The following GPC6 variants were observed in gnomAD, a reference collection of about 807,000 sequenced individuals.
GPC6 encodes the protein glypican 6.
GPC6 carries 14 observed loss-of-function variants against 55.2 expected under a neutral mutation model. The ratio of observed to expected loss-of-function variants is 0.25; its 90% CI spans 0.17 to 0.40. GPC6 has a LOEUF of 0.40. GPC6 is among the 10% of genes least tolerant of loss of function. The pLI is 1.00. For synonymous variants in GPC6, 278 were observed against 259.6 expected (o/e 1.07, Z -0.68); for missense variants, 641 against 708.5 (o/e 0.90, Z 1.08).
In GPC6 at chr13:93,227,591, G is replaced by A. The variant is rs770010444; in HGVS notation, c.135G>A (p.Ala45=). The A allele has an allele frequency of 2.5e-6, 4 of 1,608,712 alleles. No homozygotes were observed. The highest frequency in any genetic ancestry group is 3.3e-5 in the Admixed American group (2 of 59,906). The change falls in exon 1 of 9, where the codon GCG becomes GCA. Residue 45 remains alanine, a synonymous_variant. Transcript: ENST00000377047. The surrounding 1 kb of genome is among the most constrained non-coding windows in gnomAD (Gnocchi z 4.3). ...QAYGAKGFSL[A]DIPYQEIAGE... is the part of the protein sequence containing the mutation. ...ACGGTGCCAAGGGATTCAGCCTGGC[G>A]GACATCCCCTACCAGGAGATCGCAG...
chr13:94,375,124 T>A (rs972964701), intron 6 of GPC6, among the ~76,000 whole-genome samples: 2 of 149,618 alleles, frequency 1.3e-5, no homozygotes, highest in African/African-American at 5.0e-5. Flanking sequence ...GATCCAAAAT[T>A]GACACCCTAA....
intron 4 of GPC6, among the ~76,000 whole-genome samples, chr13:94,177,906 T>A (rs996356558): frequency 6.6e-6 from 1 of 152,158 alleles, no homozygotes; most frequent in African/African-American, 2.4e-5. Flanking sequence ...TTTAAAAAAA[T>A]ACTTTTTATA....
At chr13:93,736,240 A>C (rs1594412718) in intron 2 of GPC6, among the ~76,000 whole-genome samples, 1 of 152,326 alleles carries the variant, frequency 6.6e-6, no homozygotes, top group East Asian at 1.9e-4. Context: ...GATGTATGTG[A>C]GGAATTTCAA....
At position 93,757,732 on chromosome 13, in the gene GPC6, C is replaced by G. The variant is rs551413275; in HGVS notation, c.320-72422C>G. ...CTATGACCAGCAGTAGTAGGAATGA[C>G]TCCAGCAAGGATTCTGAAGGAAGAG... On this transcript the variant is annotated intron_variant, in intron 2 of 8. Transcript: ENST00000377047. Among the ~76,000 whole-genome samples the G allele has an allele frequency of 8.5e-5, 13 of 152,256 alleles. No homozygotes were observed. The South Asian group carries it at 2.7e-3, about 32-fold the overall frequency.
chr13:93,784,721 A>G (rs1288446605), intron 2 of GPC6, among the ~76,000 whole-genome samples: 1 of 152,204 alleles, frequency 6.6e-6, no homozygotes, highest in Non-Finnish European at 1.5e-5. Flanking sequence ...GTTGCTTAAA[A>G]TCCATGTTTG....
intron 3 of GPC6, among the ~76,000 whole-genome samples, chr13:94,000,846 A>G (rs932120810): frequency 5.9e-5 from 9 of 152,186 alleles, no homozygotes; most frequent in African/African-American, 1.4e-4. Flanking sequence ...GCTGTTCACA[A>G]TGCACATCAA....
At chr13:93,261,718 T>G (rs1240769256) in intron 1 of GPC6, among the ~76,000 whole-genome samples, 1 of 152,170 alleles carries the variant, frequency 6.6e-6, no homozygotes, top group Non-Finnish European at 1.5e-5. Context: ...TTTCATTTGT[T>G]TCACATGTAT....
intron 2 of GPC6, among the ~76,000 whole-genome samples, chr13:93,726,843 G>A (rs1566506022): frequency 6.6e-6 from 1 of 152,100 alleles, no homozygotes; most frequent in Non-Finnish European, 1.5e-5. Flanking sequence ...ACCTGTAAGA[G>A]GCTTTGGGCT....
At chr13:93,275,812 G>A (rs1035558652) in intron 1 of GPC6, among the ~76,000 whole-genome samples, 1 of 152,138 alleles carries the variant, frequency 6.6e-6, no homozygotes, top group Non-Finnish European at 1.5e-5. Context: ...CAGATAATGG[G>A]GGTAGGGCTT....
At chr13:93,746,681 G>C (rs775292417) in intron 2 of GPC6, among the ~76,000 whole-genome samples, 1 of 152,090 alleles carries the variant, frequency 6.6e-6, no homozygotes, top group African/African-American at 2.4e-5. Context: ...ATGCCCAAAG[G>C]TGTCTATAGC....
At chr13:94,270,447 T>C (rs907913674) in intron 4 of GPC6, among the ~76,000 whole-genome samples, 2 of 152,202 alleles carry the variant, frequency 1.3e-5, no homozygotes, top group African/African-American at 4.8e-5. Context: ...CTAACTATAT[T>C]GCTATTGAAT....
chr13:93,739,293 A>G (rs1005810360), intron 2 of GPC6, among the ~76,000 whole-genome samples: 2 of 152,152 alleles, frequency 1.3e-5, no homozygotes, highest in African/African-American at 4.8e-5. Context: ...TAAGCATGAC[A>G]TGTGGCTTCT....
chr13:94,255,801 GA>G (rs983169794), intron 4 of GPC6, among the ~76,000 whole-genome samples: 4 of 152,118 alleles, frequency 2.6e-5, no homozygotes, highest in African/African-American at 9.7e-5. Context: ...AGTTTGTATT[GA>G]AAATAAGAAA....
chr13:94,218,821 A>G (rs1378026838), intron 4 of GPC6, among the ~76,000 whole-genome samples: 7 of 152,174 alleles, frequency 4.6e-5, no homozygotes, highest in African/African-American at 1.7e-4. Context: ...TGCAGATTCC[A>G]TGGCATTCTC....
At chr13:94,178,163 C>A (rs985897553) in intron 4 of GPC6, among the ~76,000 whole-genome samples, 8 of 151,908 alleles carry the variant, frequency 5.3e-5, no homozygotes, top group Admixed American at 2.0e-4. Flanking sequence ...CCATGCCCTG[C>A]TAATTTTTGT....
chr13:93,265,593 G>A (rs1877294527), intron 1 of GPC6, among the ~76,000 whole-genome samples: 1 of 152,070 alleles, frequency 6.6e-6, no homozygotes, highest in South Asian at 2.1e-4. Flanking sequence ...TTAAGCATAT[G>A]CAAATATTTG....
intron 1 of GPC6, among the ~76,000 whole-genome samples, chr13:93,233,354 A>AAAAAT (rs1555336288): frequency 0.065 from 9,797 of 151,416 alleles, 1,033 homozygotes; most frequent in African/African-American, 0.22. Context: ...CAAAAAAAAA[A>AAAAAT]AAATCAAAAT....
intron 2 of GPC6, among the ~76,000 whole-genome samples, chr13:93,601,373 ACT>A (rs1421784307): frequency 5.9e-5 from 9 of 151,990 alleles, no homozygotes; most frequent in African/African-American, 1.2e-4. Flanking sequence ...ACAGAGTGAG[ACT>A]CTATCTCAAA....
At chr13:94,209,033 TATTTA>T (rs1358532544) in intron 4 of GPC6, among the ~76,000 whole-genome samples, 1 of 152,146 alleles carries the variant, frequency 6.6e-6, no homozygotes, top group Non-Finnish European at 1.5e-5. Flanking sequence ...GTATTATTTG[TATTTA>T]ATTTGTCTAT....
Sources: allele counts gnomAD v4.1 joint callset (sites outside exome capture counted in the v4.1 genomes callset), GRCh38; gene constraint gnomAD v4.1.1; non-coding constraint Gnocchi (gnomAD v3.1); transcripts MANE v1.5; gene names NCBI Gene and HGNC (gene_info 2026-07-23, HGNC 2026-07-21).